Variants in ABI2 observed in about 807,000 individuals in gnomAD.
ABI2 encodes the protein abelson interactor 2.
A neutral mutation model predicts 59.2 loss-of-function variants in ABI2; 25 were observed. The observed-to-expected ratio is 0.42, with a 90% confidence interval of 0.31 to 0.59. The LOEUF (loss-of-function observed/expected upper bound fraction) is 0.59, where lower values mean the gene tolerates loss of function less well. ABI2 is among the 20% of genes least tolerant of loss of function. The pLI is 0.14. For missense variants in ABI2, 545 were observed against 681.8 expected (o/e 0.80, Z 2.23); for synonymous variants, 213 against 235.5 (o/e 0.90, Z 0.87).
intron 1 of ABI2, among the ~76,000 whole-genome samples, chr2:203,348,466 A>G (rs1445425332): frequency 1.3e-4 from 20 of 152,178 alleles, no homozygotes; most frequent in Non-Finnish European, 1.2e-4. Context: ...ATGTGCAGCT[A>G]TGAAAGAGTT....
At chr2:203,359,634 A>G (rs574639640) in intron 1 of ABI2, among the ~76,000 whole-genome samples, 74 of 152,246 alleles carry the variant, frequency 4.9e-4, no homozygotes, top group Middle Eastern at 3.4e-3. Context: ...CAAGATCAAG[A>G]CGTCAGCAGA....
intron 2 of ABI2, among the ~76,000 whole-genome samples, chr2:203,373,308 C>A (rs932501434): frequency 6.6e-6 from 1 of 151,810 alleles, no homozygotes; most frequent in Admixed American, 6.6e-5. Flanking sequence ...CAAAAAAGTA[C>A]GAAAACCAGT....
intron 2 of ABI2, chr2:203,376,252 G>T: frequency 1.5e-6 from 1 of 669,828 alleles, no homozygotes. Context: ...TCTCATGGTG[G>T]GGGAGTGCTA....
chr2:203,387,913 C>T (rs1267344376), intron 4 of ABI2, among the ~76,000 whole-genome samples: 1 of 152,104 alleles, frequency 6.6e-6, no homozygotes, highest in African/African-American at 2.4e-5. Flanking sequence ...TGCTACTTGT[C>T]AGGAAATGTT....
chr2:203,331,997 A>G (rs1048238898), intron 1 of ABI2, among the ~76,000 whole-genome samples: 6 of 151,060 alleles, frequency 4.0e-5, no homozygotes, highest in Non-Finnish European at 5.9e-5. Flanking sequence ...TTTGGTAGAG[A>G]TGGGGTTTTG....
At chr2:203,422,418 T>C (rs1280923736) in intron 11 of ABI2, among the ~76,000 whole-genome samples, 1 of 152,186 alleles carries the variant, frequency 6.6e-6, no homozygotes, top group Non-Finnish European at 1.5e-5. Flanking sequence ...GGGCGGTGAC[T>C]ATGATGATGG....
At chr2:203,346,115 C>T (rs2083358327) in intron 1 of ABI2, among the ~76,000 whole-genome samples, 1 of 151,138 alleles carries the variant, frequency 6.6e-6, no homozygotes, top group Admixed American at 6.6e-5. Context: ...ATGCCATTCA[C>T]TCCAGTCTGG....
At chr2:203,368,015 A>T (rs773562643) in intron 2 of ABI2, among the ~76,000 whole-genome samples, 2 of 151,962 alleles carry the variant, frequency 1.3e-5, no homozygotes, top group Non-Finnish European at 2.9e-5. Context: ...AAAAAAAAAT[A>T]AAAAAAAGTA....
chr2:203,335,191 T>C (rs905069559), intron 1 of ABI2, among the ~76,000 whole-genome samples: 4 of 152,242 alleles, frequency 2.6e-5, no homozygotes, highest in African/African-American at 7.2e-5. Context: ...AAATAGTTGC[T>C]GAATGTAAGA....
chr2:203,391,592 G>A (rs2096742204), intron 5 of ABI2, among the ~76,000 whole-genome samples: 2 of 151,974 alleles, frequency 1.3e-5, no homozygotes, highest in African/African-American at 4.8e-5. Context: ...AGACCAAAGC[G>A]GGCAGATCAC....
chr2:203,373,210 C>T (rs1041277754), intron 2 of ABI2, among the ~76,000 whole-genome samples: 5 of 152,262 alleles, frequency 3.3e-5, no homozygotes, highest in Non-Finnish European at 4.4e-5. Flanking sequence ...TCTGCAATCC[C>T]GGCACCTCGG....
At chr2:203,412,816 G>C (rs2097732691) in intron 10 of ABI2, among the ~76,000 whole-genome samples, 1 of 152,110 alleles carries the variant, frequency 6.6e-6, no homozygotes, top group Non-Finnish European at 1.5e-5. Context: ...ACTGTTGCCA[G>C]GTTTTAAAAA....
At chr2:203,374,821 T>C (rs1173338754) in intron 2 of ABI2, 1 of 456,260 alleles carries the variant, frequency 2.2e-6, no homozygotes, top group South Asian at 1.6e-5. Flanking sequence ...TGATTGCAGA[T>C]GTTTTCCCAC....
intron 1 of ABI2, among the ~76,000 whole-genome samples, chr2:203,354,296 A>C (rs199526080): frequency 1.3e-5 from 2 of 152,072 alleles, no homozygotes; most frequent in East Asian, 3.9e-4. Flanking sequence ...TTCTCGCCTC[A>C]GCCTCCCAAA....
At chr2:203,338,342 T>C (rs937271241) in intron 1 of ABI2, among the ~76,000 whole-genome samples, 1 of 152,048 alleles carries the variant, frequency 6.6e-6, no homozygotes, top group Non-Finnish European at 1.5e-5. Context: ...CCTTCAAATC[T>C]CTTGTTGAAA....
intron 11 of ABI2, among the ~76,000 whole-genome samples, chr2:203,421,894 G>A (rs2098225078): frequency 6.6e-6 from 1 of 150,666 alleles, no homozygotes; most frequent in Admixed American, 6.6e-5. Flanking sequence ...AACCCAGGAG[G>A]TGGAGCTTGC....
chr2:203,414,195 G>A lies in ABI2; in HGVS notation c.1280-2713G>A, dbSNP rs570450509. On this transcript the variant is annotated intron_variant, in intron 10 of 11. Coordinates refer to ENST00000261018, the MANE Select transcript of ABI2 (RefSeq NM_001375670.1). ...TGGCTCTCTGCCACCTTCCCCTCCT[G>A]GGTTCAAGTGATTCTCATGCCTCAG... Among the ~76,000 whole-genome samples, 6 of 150,154 alleles carry A rather than the reference G, an allele frequency of 4.0e-5. No individual in the cohort carries two copies. In the Admixed American group the frequency reaches 4.0e-4, roughly 10 times the overall value.
At chr2:203,374,274 C>T (rs1043405723) in intron 2 of ABI2, among the ~76,000 whole-genome samples, 11 of 151,816 alleles carry the variant, frequency 7.2e-5, no homozygotes, top group African/African-American at 2.2e-4. Context: ...TAAGGGTGGC[C>T]GGATCACCTG....
At chr2:203,424,912 C>A (rs537279726) in intron 11 of ABI2, among the ~76,000 whole-genome samples, 2 of 152,114 alleles carry the variant, frequency 1.3e-5, no homozygotes, top group South Asian at 4.2e-4. Context: ...CACTCTGTTA[C>A]CCAGGCTAGA....
Sources: allele counts gnomAD v4.1 joint callset (sites outside exome capture counted in the v4.1 genomes callset), GRCh38; gene constraint gnomAD v4.1.1; transcripts MANE v1.5; gene names NCBI Gene and HGNC (gene_info 2026-07-23, HGNC 2026-07-21).